DNAH11: variants seen among roughly 807,000 people sequenced by gnomAD.
DNAH11 encodes the protein dynein axonemal heavy chain 11, also known as axonemal beta dynein heavy chain 11.
Under a neutral mutation model 526.0 loss-of-function variants are expected in DNAH11, and 442 were observed. The ratio of observed to expected loss-of-function variants is 0.84; its 90% CI spans 0.78 to 0.91. DNAH11 has a LOEUF of 0.91. Among genes scored for constraint, DNAH11 ranks in the 40% least tolerant of loss-of-function variants. The probability of loss-of-function intolerance (pLI) is 0.00; values close to 1 mark genes in which losing one functional copy is unlikely to be tolerated. For missense variants in DNAH11, 6,989 were observed against 5,448.7 expected (o/e 1.28, Z -8.90); for synonymous variants, 2,461 against 1,935.9 (o/e 1.27, Z -7.12).
chr7:21,817,519 CAAAA>C (rs10532841), intron 64 of DNAH11, among the ~76,000 whole-genome samples: 14 of 86,430 alleles, frequency 1.6e-4, no homozygotes, highest in East Asian at 9.9e-4. Flanking sequence ...CCATCTCTAC[CAAAA>C]AAAAAAAAAA....
intron 28 of DNAH11, among the ~76,000 whole-genome samples, chr7:21,642,102 A>G (rs1035656307): frequency 2.6e-5 from 4 of 152,208 alleles, no homozygotes; most frequent in African/African-American, 9.7e-5. Context: ...AAGTGGTTAC[A>G]TATATTTTTG....
At chr7:21,880,062 G>A (rs1425314642) in intron 74 of DNAH11, among the ~76,000 whole-genome samples, 1 of 148,464 alleles carries the variant, frequency 6.7e-6, no homozygotes, top group East Asian at 2.0e-4. Flanking sequence ...TGCAGCCTGG[G>A]TGACAGAGCA....
Position 21,601,184 on chromosome 7 carries a change from C to G in DNAH11, c.3425+5C>G, listed in dbSNP as rs776140118. ...TTTGAGATTTGTCATTGACAGGTAG[C>G]CTTTTACTTTGGTTTTTGGAATTAT... On this transcript the variant is annotated splice_donor_5th_base_variant and intron_variant, in intron 17 of 81. Transcript: ENST00000409508. 8.9e-5 allele frequency: 141 copies of G among 1,581,298 alleles called. 1 individual carries two copies. The East Asian group carries it at 9.2e-4, about 10-fold the overall frequency.
chr7:21,750,266 A>G lies in DNAH11; in HGVS notation c.8842A>G (p.Ile2948Val), dbSNP rs1343210471. 4.4e-6 allele frequency: 7 copies of G among 1,605,380 alleles called. No individual in the cohort carries two copies. Among genetic ancestry groups the G allele is most frequent in the Non-Finnish European group, 6.0e-6 (7 of 1,175,792 alleles). The change falls in exon 54 of 82, where the codon ATT becomes GTT. Residue 2948 changes from isoleucine (I) to valine (V), a missense_variant. Ile to Val is a conservative substitution (Grantham distance 29, BLOSUM62 3). Coordinates refer to ENST00000409508, the MANE Select transcript of DNAH11 (RefSeq NM_001277115.2). ...LFSDEDVDKIISGIHNEVHAL... is the reference protein window; with the variant it reads ...LFSDEDVDKIVSGIHNEVHAL... ...CAGCGATGAAGATGTGGACAAGATA[A>G]TTTCTGGAATTCATAATGAAGTTCA...
Position 21,606,560 on chromosome 7 carries a change from T to C in DNAH11, c.3765+18T>C. 1 of 1,593,678 alleles carries C rather than the reference T, an allele frequency of 6.3e-7. No individual in the cohort carries two copies. The highest frequency in any genetic ancestry group is 8.5e-7 in the Non-Finnish European group (1 of 1,172,582). ...TGTTTGACGTAAGCTAGTTACCAAG[T>C]TTTTGTTTTAAGAAAGGTTTTACTA... On this transcript the variant is annotated intron_variant, in intron 19 of 81. Coordinates refer to ENST00000409508, the MANE Select transcript of DNAH11 (RefSeq NM_001277115.2).
chr7:21,867,629 A>G (rs1275367153), intron 71 of DNAH11, among the ~76,000 whole-genome samples: 1 of 152,222 alleles, frequency 6.6e-6, no homozygotes, highest in Non-Finnish European at 1.5e-5. Flanking sequence ...TAGCCCCCCA[A>G]AATGGAATGT....
chr7:21,649,621 A>C (rs1787535397), intron 28 of DNAH11, among the ~76,000 whole-genome samples: 1 of 151,680 alleles, frequency 6.6e-6, no homozygotes, highest in Non-Finnish European at 1.5e-5. Flanking sequence ...ACTGGCATGC[A>C]CCATGAGGAG....
intron 65 of DNAH11, among the ~76,000 whole-genome samples, chr7:21,824,483 G>A (rs868415034): frequency 2.0e-5 from 3 of 152,006 alleles, no homozygotes; most frequent in African/African-American, 7.2e-5. Flanking sequence ...TATGTATTTA[G>A]TCAAGTTTCT....
Position 21,696,336 on chromosome 7 carries a change from T to C in DNAH11, c.6042-1739T>C, listed in dbSNP as rs184318566. On this transcript the variant is annotated intron_variant, in intron 35 of 81. Transcript: ENST00000409508. ...TCTGATGAGAACTTATTTTAGTTGG[T>C]AATATGAAATGAGTGTTTAAACAAT... is the stretch of plus-strand genomic sequence containing the variant. Among the ~76,000 whole-genome samples the C allele has an allele frequency of 1.1e-4, 17 of 152,330 alleles. No individual in the cohort carries two copies. The East Asian group carries it at 3.3e-3, about 29-fold the overall frequency.
intron 74 of DNAH11, among the ~76,000 whole-genome samples, chr7:21,875,004 C>T (rs1487608833): frequency 1.3e-5 from 2 of 152,090 alleles, no homozygotes; most frequent in Non-Finnish European, 2.9e-5. Flanking sequence ...TGGGTCAATA[C>T]GTAAACCAAC....
chr7:21,642,089 T>C (rs1787156339), intron 28 of DNAH11, among the ~76,000 whole-genome samples: 1 of 152,144 alleles, frequency 6.6e-6, no homozygotes, highest in Admixed American at 6.5e-5. Flanking sequence ...ACACACAGAT[T>C]TGAAGTGGTT....
At chr7:21,812,989 A>G (rs935936781) in intron 63 of DNAH11, among the ~76,000 whole-genome samples, 3 of 152,152 alleles carry the variant, frequency 2.0e-5, no homozygotes, top group East Asian at 3.9e-4. Flanking sequence ...AAACAAGACT[A>G]AGATACTGAA....
At chr7:21,655,472 C>T (rs2128464940) in intron 28 of DNAH11, among the ~76,000 whole-genome samples, 1 of 152,130 alleles carries the variant, frequency 6.6e-6, no homozygotes, top group African/African-American at 2.4e-5. Flanking sequence ...TACACTAATG[C>T]TAGGAATCTG....
intron 30 of DNAH11, among the ~76,000 whole-genome samples, chr7:21,664,149 T>C (rs1235866540): frequency 4.0e-5 from 6 of 150,394 alleles, no homozygotes; most frequent in Non-Finnish European, 8.9e-5. Flanking sequence ...TTTTTTTTTT[T>C]GGCTTTTTTA....
At chr7:21,658,323 A>G (rs1242277542) in intron 29 of DNAH11, among the ~76,000 whole-genome samples, 5 of 152,288 alleles carry the variant, frequency 3.3e-5, no homozygotes, top group Non-Finnish European at 7.4e-5. Flanking sequence ...TGAAGATTTT[A>G]GAGAAGAATT....
chr7:21,767,293 T>A (rs113084444), intron 55 of DNAH11, among the ~76,000 whole-genome samples: 99 of 152,334 alleles, frequency 6.5e-4, no homozygotes, highest in Middle Eastern at 3.4e-3. Flanking sequence ...GCATGTTACT[T>A]TGTCAAATGG....
At chr7:21,867,634 G>T (rs1783331751) in intron 71 of DNAH11, among the ~76,000 whole-genome samples, 1 of 152,284 alleles carries the variant, frequency 6.6e-6, no homozygotes, top group East Asian at 1.9e-4. Flanking sequence ...CCCCAAAATG[G>T]AATGTAGGCT....
chr7:21,604,319 T>C (rs1306046617), intron 18 of DNAH11, among the ~76,000 whole-genome samples: 1 of 152,162 alleles, frequency 6.6e-6, no homozygotes, highest in Non-Finnish European at 1.5e-5. Context: ...TCAGCTCTTG[T>C]TACTTCTCAC....
At chr7:21,636,188 G>A (rs755086703) in intron 26 of DNAH11, 93 bp downstream of exon 26, 27 of 1,079,890 alleles carry the variant, frequency 2.5e-5, no homozygotes, top group Non-Finnish European at 3.4e-5. Context: ...ATGCATTTTT[G>A]CATGAGTAAG....
Sources: gnomAD v4.1 joint callset for allele counts (sites outside exome capture counted in the v4.1 genomes callset) on GRCh38, gnomAD v4.1.1 for gene constraint, MANE v1.5 for transcripts, NCBI Gene and HGNC (gene_info 2026-07-23, HGNC 2026-07-21) for gene names.